Variants in EYA2 observed in about 807,000 individuals in gnomAD.
EYA2 encodes protein phosphatase EYA2.
In EYA2, 31 loss-of-function variants were observed where a neutral mutation model predicts 69.2. The observed-to-expected ratio is 0.45, with a 90% CI of 0.34 to 0.60. The LOEUF (loss-of-function observed/expected upper bound fraction) is 0.60. Among genes scored for constraint, EYA2 ranks in the 20% least tolerant of loss-of-function variants. The pLI is 0.02. For missense variants in EYA2, 622 were observed against 701.2 expected, an observed-to-expected ratio of 0.89 and a Z score of 1.28; for synonymous variants, 257 against 279.4, an observed-to-expected ratio of 0.92 and a Z score of 0.80.
chr20:47,179,675 G>A, intron 12 of EYA2, 123 bp from the exon 13 acceptor site: 1 of 631,806 alleles, frequency 1.6e-6, no homozygotes, highest in Non-Finnish European at 2.8e-6. Flanking sequence ...CTGGATTGAA[G>A]TTTACTTTGG....
At chr20:47,135,895 G>A (rs1055128256) in intron 9 of EYA2, among the ~76,000 whole-genome samples, 1 of 149,514 alleles carries the variant, frequency 6.7e-6, no homozygotes, top group African/African-American at 2.5e-5. Context: ...GTATGGTGGT[G>A]CAAGCCTATA....
chr20:47,009,609 A>T (rs560773295), intron 4 of EYA2, among the ~76,000 whole-genome samples: 1 of 152,112 alleles, frequency 6.6e-6, no homozygotes, highest in Non-Finnish European at 1.5e-5. Flanking sequence ...ATTCCCCTGC[A>T]TTTTTTTATG....
Position 47,167,280 on chromosome 20 carries a change from C to CTTTTTT in EYA2, c.979-1845_979-1840dup, listed in dbSNP as rs11470455. Among the ~76,000 whole-genome samples, 370 of 111,682 alleles carry CTTTTTT rather than the reference C, an allele frequency of 3.3e-3. 10 individuals are homozygous for CTTTTTT. The highest frequency in any genetic ancestry group is 4.3e-3 in the Non-Finnish European group (252 of 58,010). The allele number at this position is 111,682 out of a possible 152,430, so 73.3% of individuals were successfully genotyped here. A position where few individuals can be genotyped will look rare whatever the true frequency, so the allele number is the denominator to read the frequency against. The stretch of plus-strand genomic sequence containing the variant: ...TCTGAGAGGAGAATCGGTTTTTTTA[C>CTTTTTT]TTTTTTTTTTTTTTTTTTTGAGACA... On this transcript the variant is annotated intron_variant, in intron 10 of 15. Coordinates refer to ENST00000327619, the MANE Select transcript of EYA2 (RefSeq NM_005244.5).
chr20:46,938,601 G>T (rs897706164), intron 1 of EYA2, among the ~76,000 whole-genome samples: 1 of 152,170 alleles, frequency 6.6e-6, no homozygotes, highest in Non-Finnish European at 1.5e-5. Flanking sequence ...ATGGGGCTGG[G>T]GCTGCTCATG....
intron 5 of EYA2, 189 bp from the exon 6 acceptor site, chr20:47,071,996 G>A: frequency 1.6e-6 from 1 of 629,924 alleles, no homozygotes; most frequent in Non-Finnish European, 2.8e-6. Flanking sequence ...CAGAGGATTA[G>A]TGTCAACAAG....
intron 14 of EYA2, 25 bp downstream of exon 14, chr20:47,180,961 G>T: frequency 1.2e-6 from 2 of 1,610,894 alleles, no homozygotes; most frequent in African/African-American, 2.7e-5. Context: ...CACCTCGGCG[G>T]GGATACAGGG....
chr20:47,060,684 G>C (rs1346392186), intron 5 of EYA2, among the ~76,000 whole-genome samples: 1 of 152,180 alleles, frequency 6.6e-6, no homozygotes, highest in African/African-American at 2.4e-5. Context: ...ACCATCCCCT[G>C]TTGCTCCCCA....
At chr20:47,151,406 T>G (rs796208798) in intron 10 of EYA2, among the ~76,000 whole-genome samples, 5 of 151,918 alleles carry the variant, frequency 3.3e-5, no homozygotes, top group African/African-American at 1.2e-4. Context: ...TATTATGGAC[T>G]GACCCCACCT....
At chr20:47,052,062 C>T (rs1027361126) in intron 5 of EYA2, among the ~76,000 whole-genome samples, 1 of 152,050 alleles carries the variant, frequency 6.6e-6, no homozygotes, top group African/African-American at 2.4e-5. Context: ...TTTTTTCCCC[C>T]CAGAAATTAT....
intron 1 of EYA2, among the ~76,000 whole-genome samples, chr20:46,950,620 C>G (rs16992111): frequency 0.011 from 1,611 of 152,310 alleles, 26 homozygotes; most frequent in African/African-American, 0.036. Context: ...CCTTGAAATT[C>G]AGAAGGCGGA....
At chr20:47,002,347 T>A (rs745832283) in intron 3 of EYA2, among the ~76,000 whole-genome samples, 7 of 152,158 alleles carry the variant, frequency 4.6e-5, no homozygotes, top group Non-Finnish European at 1.0e-4. Flanking sequence ...TTCCTGATGC[T>A]CTCCCTCTCC....
At chr20:47,142,033 C>A (rs1447968325) in intron 9 of EYA2, among the ~76,000 whole-genome samples, 2 of 152,106 alleles carry the variant, frequency 1.3e-5, no homozygotes, top group African/African-American at 4.8e-5. Context: ...TCAATCATAA[C>A]CTGAATTGAA....
intron 1 of EYA2, among the ~76,000 whole-genome samples, chr20:46,939,994 A>G (rs1986084963): frequency 6.6e-6 from 1 of 152,234 alleles, no homozygotes; most frequent in African/African-American, 2.4e-5. Context: ...GTGCTCAATA[A>G]AATGTAGCCA....
At position 47,067,793 on chromosome 20, in the gene EYA2, A is replaced by G. The variant is rs370776435; in HGVS notation, c.416-4392A>G. Among the ~76,000 whole-genome samples, 64 of 151,788 alleles carry G rather than the reference A, an allele frequency of 4.2e-4. 1 individual carries two copies. The South Asian group carries it at 8.4e-3, about 20-fold the overall frequency. On this transcript the variant is annotated intron_variant, in intron 5 of 15. Transcript: ENST00000327619. The stretch of plus-strand genomic sequence containing the variant: ...TCTATGAGAAGAATTTCCTGTACCC[A>G]TTCTTTCTGGGTAGAGCTGCTGTAA...
intron 1 of EYA2, among the ~76,000 whole-genome samples, chr20:46,969,885 A>G (rs1242655022): frequency 6.6e-6 from 1 of 152,212 alleles, no homozygotes; most frequent in Non-Finnish European, 1.5e-5. Flanking sequence ...TTATAATATA[A>G]TTTACTATTA....
At chr20:47,182,370 G>A (rs1438973979) in intron 14 of EYA2, among the ~76,000 whole-genome samples, 1 of 149,552 alleles carries the variant, frequency 6.7e-6, no homozygotes, top group Non-Finnish European at 1.5e-5. Context: ...GCTCACGCCT[G>A]TAATCCCAGC....
chr20:47,008,216 C>A (rs1469745359), intron 4 of EYA2, among the ~76,000 whole-genome samples: 1 of 152,212 alleles, frequency 6.6e-6, no homozygotes, highest in Non-Finnish European at 1.5e-5. Context: ...TTAATCCCCA[C>A]CTCAACCCTA....
intron 9 of EYA2, among the ~76,000 whole-genome samples, chr20:47,123,821 G>A (rs928763997): frequency 1.1e-4 from 17 of 151,862 alleles, no homozygotes; most frequent in African/African-American, 2.9e-4. Context: ...TGAAACCCCC[G>A]TCTCTACTAA....
intron 1 of EYA2, among the ~76,000 whole-genome samples, chr20:46,971,711 A>G (rs148903047): frequency 6.6e-6 from 1 of 152,342 alleles, no homozygotes; most frequent in East Asian, 1.9e-4. Flanking sequence ...TTTTCACATT[A>G]TATGTTGCTC....
Sources: allele counts gnomAD v4.1 joint callset (sites outside exome capture counted in the v4.1 genomes callset), GRCh38; gene constraint gnomAD v4.1.1; transcripts MANE v1.5; gene names NCBI Gene and HGNC (gene_info 2026-07-23, HGNC 2026-07-21).